The following MYL10 variants were observed in gnomAD, a reference collection of about 807,000 sequenced individuals.
MYL10 encodes the protein myosin light chain 10, also known as myosin regulatory light chain 10.
In MYL10, 18 loss-of-function variants were observed where a neutral mutation model predicts 21.9. The ratio of observed to expected loss-of-function variants is 0.82; its 90% CI spans 0.57 to 1.22. The LOEUF (loss-of-function observed/expected upper bound fraction) is 1.22, where lower values mean the gene tolerates loss of function less well. Among genes scored for constraint, MYL10 ranks in the 50% most tolerant of loss-of-function variants. The probability of loss-of-function intolerance (pLI) is 0.00; values close to 1 mark genes in which losing one functional copy is unlikely to be tolerated. For missense variants in MYL10, 225 were observed against 230.4 expected, an observed-to-expected ratio of 0.98 and a Z score of 0.15; for synonymous variants, 88 against 82.8, an observed-to-expected ratio of 1.06 and a Z score of -0.34.
intron 1 of MYL10, chr7:101,627,500 A>G (rs4727506): frequency 0.98 from 149,385 of 152,814 alleles, 73,037 homozygotes; most frequent in East Asian, 1. Flanking sequence ...GAGCTCCCTG[A>G]AGCTGCAGTT....
chr7:101,622,432 A>G (rs1016224299), intron 4 of MYL10, among the ~76,000 whole-genome samples: 2 of 152,098 alleles, frequency 1.3e-5, no homozygotes, highest in Non-Finnish European at 1.5e-5. Context: ...TTTTACGGTG[A>G]AGAAACTGAG....
chr7:101,621,922 G>A (rs182624432), intron 5 of MYL10, among the ~76,000 whole-genome samples, 174 bp downstream of exon 5: 5 of 152,318 alleles, frequency 3.3e-5, no homozygotes, highest in African/African-American at 7.2e-5. Context: ...AGTCTGCGGT[G>A]AAGAGAGGGA....
chr7:101,615,618 G>C (rs533882014), intron 6 of MYL10, among the ~76,000 whole-genome samples: 2 of 145,028 alleles, frequency 1.4e-5, no homozygotes, highest in South Asian at 4.7e-4. Flanking sequence ...TGGGCAACCT[G>C]CAGTCATTCT....
chr7:101,622,886 C>T, intron 4 of MYL10, 111 bp downstream of exon 4: 1 of 945,864 alleles, frequency 1.1e-6, no homozygotes, highest in Non-Finnish European at 1.6e-6. Context: ...CCCTGTGCTC[C>T]CCAGCACAGG....
intron 5 of MYL10, among the ~76,000 whole-genome samples, chr7:101,621,687 C>G (rs1268682915): frequency 6.6e-6 from 1 of 152,122 alleles, no homozygotes; most frequent in Non-Finnish European, 1.5e-5. Flanking sequence ...CTCCCAGGCT[C>G]AAGTGATCCT....
chr7:101,624,406 C>A, intron 1 of MYL10, 142 bp from the exon 2 acceptor site: 1 of 607,634 alleles, frequency 1.6e-6, no homozygotes. Context: ...GACAAGGCTA[C>A]CCCTGAAGCC....
chr7:101,615,528 C>G (rs1796598619), intron 6 of MYL10, among the ~76,000 whole-genome samples: 1 of 149,224 alleles, frequency 6.7e-6, no homozygotes, highest in Admixed American at 6.8e-5. Context: ...GCAGCCAACT[C>G]TGAACAAACA....
At chr7:101,615,222 T>C (rs1796595093) in intron 6 of MYL10, among the ~76,000 whole-genome samples, 1 of 152,160 alleles carries the variant, frequency 6.6e-6, no homozygotes, top group Non-Finnish European at 1.5e-5. Flanking sequence ...GGCTACGATC[T>C]GGCTCAGTCC....
At chr7:101,625,680 A>AGG (rs942289649) in intron 1 of MYL10, among the ~76,000 whole-genome samples, 95 of 152,302 alleles carry the variant, frequency 6.2e-4, no homozygotes, top group African/African-American at 2.3e-3. Context: ...ATCCTTTGAA[A>AGG]GGGGGCTGCC....
At chr7:101,628,842 G>A (rs922535975) in intron 1 of MYL10, among the ~76,000 whole-genome samples, 199 bp downstream of exon 1, 5 of 152,174 alleles carry the variant, frequency 3.3e-5, no homozygotes, top group Non-Finnish European at 7.3e-5. Flanking sequence ...CCTGCCTTTG[G>A]GGAAGGGAAT....
intron 6 of MYL10, 90 bp downstream of exon 6, chr7:101,616,130 G>A: frequency 9.4e-7 from 1 of 1,068,602 alleles, no homozygotes; most frequent in South Asian, 1.4e-5. Flanking sequence ...CTGGCTTCTG[G>A]GAGAGGAGAC....
intron 6 of MYL10, among the ~76,000 whole-genome samples, chr7:101,614,666 A>G (rs1239010164): frequency 6.6e-6 from 1 of 152,046 alleles, no homozygotes; most frequent in Non-Finnish European, 1.5e-5. Context: ...ACCCCGAGGG[A>G]GGGGTGAAGG....
In MYL10 at chr7:101,628,905, A is replaced by G. The variant is rs1325857041; in HGVS notation, c.78+136T>C. 3 of 371,316 alleles carry G rather than the reference A, an allele frequency of 8.1e-6. No homozygotes were observed. The East Asian group carries it at 2.6e-4, about 32-fold the overall frequency. The allele number at this position is 371,316 out of a possible 1,614,324, so 23.0% of individuals were successfully genotyped here. A position where few individuals can be genotyped will look rare whatever the true frequency, so the allele number is the denominator to read the frequency against. ...AATATACAACACAGAAGGTCAGGCC[A>G]TGTCTTAAAACACGTGTCCTCACAT... On this transcript the variant is annotated intron_variant, in intron 1 of 7. Coordinates refer to ENST00000223167, the MANE Select transcript of MYL10 (RefSeq NM_138403.5).
rs740199 is a variant in MYL10, at chr7:101,615,601, C to A, written c.533+619G>T. On this transcript the variant is annotated intron_variant, in intron 6 of 7. Transcript: ENST00000223167. ...CCCTCATCTAGAATGCTGTTCCCCC[C>A]CTAGCCTGGGCAACCTGCAGTCATT... 5.9e-3 allele frequency among the ~76,000 whole-genome samples: 842 copies of A among 143,570 alleles called. 9 individuals carry two copies. The highest frequency in any genetic ancestry group is 0.01 in the Middle Eastern group (3 of 294). 94.2% of individuals were successfully genotyped at this position (143,570 alleles called of 152,430 possible). A position where few individuals can be genotyped will look rare whatever the true frequency, so the allele number is the denominator to read the frequency against.
rs1206924695 is a variant in MYL10, at chr7:101,613,402, G to T, written c.*73C>A. Reference sequence around the variant, plus strand: ...GGGAAGCCTTTTTCCTGCAGCCTCTGGCTGCAAGAGCTCCCTGTCACACCC... The same window carrying T: ...GGGAAGCCTTTTTCCTGCAGCCTCTTGCTGCAAGAGCTCCCTGTCACACCC... On this transcript the variant is annotated 3_prime_UTR_variant, in exon 8 of 8. Coordinates refer to ENST00000223167, the MANE Select transcript of MYL10 (RefSeq NM_138403.5). The T allele has an allele frequency of 1.2e-5, 16 of 1,303,860 alleles. No individual in the cohort carries two copies. The highest frequency in any genetic ancestry group is 5.2e-5 in the Admixed American group (3 of 57,800). 80.8% of individuals were successfully genotyped at this position (1,303,860 alleles called of 1,614,324 possible).
chr7:101,622,996 C>T lies in MYL10; in HGVS notation c.349+1G>A, dbSNP rs1178546340. On this transcript the variant is annotated splice_donor_variant, in intron 4 of 7. Transcript: ENST00000223167. LOFTEE classifies it high-confidence loss of function. ...TCTCCCCCGGCTGCTGGCTCACCCA[C>T]CCAGCGCGGCAAAGGTGTCCCTCAA... 2.5e-6 allele frequency: 4 copies of T among 1,613,602 alleles called. No individual in the cohort carries two copies. The highest frequency in any genetic ancestry group is 3.4e-6 in the Non-Finnish European group (4 of 1,179,834).
chr7:101,629,284 A>G lies in MYL10; in HGVS notation c.-166T>C. The G allele has an allele frequency of 8.0e-6, 2 of 250,702 alleles. No individual in the cohort carries two copies. The highest frequency in any genetic ancestry group is 8.2e-5 in the South Asian group (2 of 24,470). 15.5% of individuals were successfully genotyped at this position (250,702 alleles called of 1,614,324 possible). A position where few individuals can be genotyped will look rare whatever the true frequency, so the allele number is the denominator to read the frequency against. On this transcript the variant is annotated 5_prime_UTR_variant, in exon 1 of 8. Transcript: ENST00000223167. ...AAACCTCTAGGCGGACCATGCAGAC[A>G]GGCAGGCTATGGGGCTCCGACCCCA...
At chr7:101,626,669 C>T (rs2130745367) in intron 1 of MYL10, among the ~76,000 whole-genome samples, 1 of 152,252 alleles carries the variant, frequency 6.6e-6, no homozygotes, top group East Asian at 1.9e-4. Context: ...AAATACTGAC[C>T]CCCGGCCCTC....
intron 5 of MYL10, among the ~76,000 whole-genome samples, chr7:101,616,737 A>G (rs890887903): frequency 6.6e-6 from 1 of 152,162 alleles, no homozygotes; most frequent in East Asian, 1.9e-4. Context: ...CAAGCTGTGC[A>G]CAAGAGGCCG....
Sources: gnomAD v4.1 joint callset for allele counts (sites outside exome capture counted in the v4.1 genomes callset) on GRCh38, gnomAD v4.1.1 for gene constraint, MANE v1.5 for transcripts, NCBI Gene and HGNC (gene_info 2026-07-23, HGNC 2026-07-21) for gene names.